The following BPHL variants were observed in gnomAD, a reference collection of about 807,000 sequenced individuals.
The protein encoded by BPHL is biphenyl hydrolase like, also known as serine hydrolase BPHL.
BPHL carries 27 observed loss-of-function variants against 31.2 expected under a neutral mutation model. The ratio of observed to expected loss-of-function variants is 0.87; its 90% confidence interval spans 0.64 to 1.19. The LOEUF (loss-of-function observed/expected upper bound fraction) is 1.19. Ranked by LOEUF, BPHL falls within the 50% of genes most tolerant of loss-of-function variation. BPHL has a pLI of 0.00. For missense variants in BPHL, 356 were observed against 375.7 expected (o/e 0.95, Z 0.43); for synonymous variants, 150 against 146.8 (o/e 1.02, Z -0.16).
chr6:3,128,326 G>A lies in BPHL; in HGVS notation c.379-719G>A, dbSNP rs1329386116. ...ACACATTTAGGAGACAATTTGCTAG[G>A]TGATGGAAGTTCCAGATGTTCATTT... On this transcript the variant is annotated intron_variant, in intron 3 of 6. Coordinates refer to ENST00000380379, the MANE Select transcript of BPHL (RefSeq NM_004332.4). Among the ~76,000 whole-genome samples, 8 of 152,304 alleles carry A rather than the reference G, an allele frequency of 5.3e-5. No homozygotes were observed. The East Asian group carries it at 1.5e-3, about 29-fold the overall frequency.
At chr6:3,138,028 C>CTTTTTT in intron 5 of BPHL, 1 of 1,122,688 alleles carries the variant, frequency 8.9e-7, no homozygotes, top group East Asian at 6.5e-5. Context: ...GTCTCCTATT[C>CTTTTTT]TTTTTTTTTT....
chr6:3,122,054 C>T (rs1761590111), intron 1 of BPHL, among the ~76,000 whole-genome samples: 1 of 151,802 alleles, frequency 6.6e-6, no homozygotes, highest in Admixed American at 6.6e-5. Context: ...CTGAGGCAGG[C>T]AGATCACGAG....
Position 3,118,858 on chromosome 6 carries a change from C to A in BPHL, c.107+11C>A. ...CGCGGCCGCGTTCGGGTAATGGCGG[C>A]CACCTCGCCCCGGGGATCCCCAGCA... On this transcript the variant is annotated intron_variant, in intron 1 of 6. Transcript: ENST00000380379. The A allele has an allele frequency of 3.2e-6, 4 of 1,235,166 alleles. No homozygotes were observed. Among genetic ancestry groups the A allele is most frequent in the Non-Finnish European group, 4.0e-6 (4 of 988,442 alleles). The allele number at this position is 1,235,166 out of a possible 1,614,324, so 76.5% of individuals were successfully genotyped here.
intron 4 of BPHL, among the ~76,000 whole-genome samples, chr6:3,131,887 A>G (rs577158830): frequency 4.2e-4 from 64 of 152,190 alleles, no homozygotes; most frequent in African/African-American, 1.5e-3. Flanking sequence ...GGCGTCCCGG[A>G]GCCCTGAGAC....
chr6:3,131,061 G>A (rs920376383), intron 4 of BPHL, among the ~76,000 whole-genome samples: 2 of 152,098 alleles, frequency 1.3e-5, no homozygotes. Flanking sequence ...CACTGGGTCA[G>A]TCCTCTCAGC....
At chr6:3,130,075 G>A (rs1351265540) in intron 4 of BPHL, among the ~76,000 whole-genome samples, 1 of 152,144 alleles carries the variant, frequency 6.6e-6, no homozygotes, top group East Asian at 1.9e-4. Flanking sequence ...CCAAAGTGCT[G>A]GGATTACCAG....
At chr6:3,126,921 A>ATTT (rs34930913) in intron 2 of BPHL, 6 of 100,148 alleles carry the variant, frequency 6.0e-5, no homozygotes, top group African/African-American at 1.6e-4. Context: ...GCCCGGCTAC[A>ATTT]TTTTTTTTTT....
intron 1 of BPHL, among the ~76,000 whole-genome samples, chr6:3,122,677 G>T (rs914284312): frequency 6.6e-6 from 1 of 152,188 alleles, no homozygotes; most frequent in Non-Finnish European, 1.5e-5. Flanking sequence ...AGGCCAAGGC[G>T]GGTGAGTGGC....
intron 6 of BPHL, among the ~76,000 whole-genome samples, chr6:3,141,946 C>A (rs534139859): frequency 6.6e-6 from 1 of 152,036 alleles, no homozygotes; most frequent in East Asian, 2.0e-4. Context: ...TACACTCCAG[C>A]TGGGTGACAG....
At chr6:3,142,754 C>T (rs945717361) in intron 6 of BPHL, among the ~76,000 whole-genome samples, 1 of 152,098 alleles carries the variant, frequency 6.6e-6, no homozygotes, top group African/African-American at 2.4e-5. Flanking sequence ...ACCAGGTGAC[C>T]TGGTTAATTG....
intron 6 of BPHL, among the ~76,000 whole-genome samples, chr6:3,141,073 C>A (rs979995793): frequency 6.6e-6 from 1 of 152,190 alleles, no homozygotes; most frequent in African/African-American, 2.4e-5. Context: ...ACAGATTTCT[C>A]AGAGAATTTT....
chr6:3,132,807 G>A (rs1239165683), intron 4 of BPHL, among the ~76,000 whole-genome samples: 1 of 152,020 alleles, frequency 6.6e-6, no homozygotes, highest in Non-Finnish European at 1.5e-5. Flanking sequence ...CTGTAGCTTG[G>A]GTGACAGAGG....
intron 4 of BPHL, among the ~76,000 whole-genome samples, chr6:3,134,236 A>G (rs1363089659): frequency 1.3e-5 from 2 of 152,102 alleles, no homozygotes; most frequent in Admixed American, 1.3e-4. Context: ...GCCGCTGTCC[A>G]CCCAACTCAG....
At chr6:3,136,602 T>C (rs1476895597) in intron 4 of BPHL, among the ~76,000 whole-genome samples, 1 of 152,246 alleles carries the variant, frequency 6.6e-6, no homozygotes, top group Admixed American at 6.5e-5. Flanking sequence ...CTGTAGAGAT[T>C]GTTGCTCATG....
intron 6 of BPHL, among the ~76,000 whole-genome samples, chr6:3,143,564 G>A (rs1267592598): frequency 5.3e-5 from 8 of 152,232 alleles, no homozygotes; most frequent in Admixed American, 2.6e-4. Flanking sequence ...TCTGAGATAC[G>A]AAACACACTA....
In BPHL at chr6:3,129,086, T is replaced by G; in HGVS notation, c.420T>G (p.Asp140Glu). Residue 140 changes from aspartate to glutamate, a missense_variant, in exon 4 of 7, where the codon GAT becomes GAG. By Grantham distance (45) the Asp-to-Glu change is conservative. Transcript: ENST00000380379. Reference sequence around the variant, plus strand: ...AGGTTTCTCTGCTGGGGTGGAGTGATGGGGGCATAACCGCACTCATTGCTG... The same window carrying G: ...AGGTTTCTCTGCTGGGGTGGAGTGAGGGGGGCATAACCGCACTCATTGCTG... ...FKKVSLLGWS[D>E]GGITALIAAA... is the part of the protein sequence containing the mutation. 1.9e-6 allele frequency: 3 copies of G among 1,614,222 alleles called. 1 individual carries two copies. Among genetic ancestry groups the G allele is most frequent in the Non-Finnish European group, 2.5e-6 (3 of 1,180,026 alleles).
At position 3,153,447 on chromosome 6, in the gene BPHL, G is replaced by C. The variant is rs1221885312; in HGVS notation, c.*872G>C. On this transcript the variant is annotated 3_prime_UTR_variant, in exon 7 of 7. Coordinates refer to ENST00000380379, the MANE Select transcript of BPHL (RefSeq NM_004332.4). The stretch of plus-strand genomic sequence containing the variant: ...TCACTTTTGAGAGATGAATACTTTG[G>C]GCCAGTAAAGGTGAACAAAATATGT... The C allele has an allele frequency of 1.5e-5, 4 of 258,378 alleles. No individual in the cohort carries two copies. Among genetic ancestry groups the C allele is most frequent in the Non-Finnish European group, 3.0e-5 (4 of 134,710 alleles). The allele number at this position is 258,378 out of a possible 1,614,324, so 16.0% of individuals were successfully genotyped here.
chr6:3,135,844 C>T (rs1229124016), intron 4 of BPHL, among the ~76,000 whole-genome samples: 3 of 152,154 alleles, frequency 2.0e-5, no homozygotes, highest in East Asian at 1.9e-4. Flanking sequence ...AAATCGAGAG[C>T]GCTTTCCTTC....
chr6:3,124,734 C>G (rs1761670603), intron 2 of BPHL, among the ~76,000 whole-genome samples: 2 of 151,162 alleles, frequency 1.3e-5, no homozygotes, highest in African/African-American at 4.9e-5. Flanking sequence ...ATTTTTGTTC[C>G]GAGGTTGGTT....
Sources: allele counts gnomAD v4.1 joint callset (sites outside exome capture counted in the v4.1 genomes callset), GRCh38; gene constraint gnomAD v4.1.1; transcripts MANE v1.5; gene names NCBI Gene and HGNC (gene_info 2026-07-23, HGNC 2026-07-21).